Variants in ADH6 observed in about 807,000 individuals in gnomAD.
The protein encoded by ADH6 is alcohol dehydrogenase 6 (class V).
A neutral mutation model predicts 36.5 loss-of-function variants in ADH6; 34 were observed. That is an observed-to-expected ratio of 0.93 (90% CI 0.71 to 1.24). The LOEUF is 1.24. Among genes scored for constraint, ADH6 ranks in the 50% most tolerant of loss-of-function variants. ADH6 has a pLI of 0.00. For synonymous variants in ADH6, 161 were observed against 155.5 expected (o/e 1.04, Z -0.26); for missense variants, 440 against 447.0 (o/e 0.98, Z 0.14).
rs777350103 is a variant in ADH6, at chr4:99,207,495, A to G, written c.915T>C (p.Ser305=). 8 of 1,613,604 alleles carry G rather than the reference A, an allele frequency of 5.0e-6. No homozygotes were observed. Among genetic ancestry groups the G allele is most frequent in the Non-Finnish European group, 5.9e-6 (7 of 1,179,710 alleles). ...VLPASVQLKI[S]GQLFFSGRSL... ...AACGTCCTGAGAAGAACAACTGGCC[A>G]CTGATTTTGAGTTGAACACTGGCAG... The change falls in exon 7 of 9, where the codon AGT becomes AGC. Residue 305 remains serine, a synonymous_variant. Coordinates refer to ENST00000394899, the MANE Select transcript of ADH6 (RefSeq NM_001102470.2).
rs952521338 is a variant in ADH6, at chr4:99,219,184, G to C, written c.-32C>G. 1 of 1,601,626 alleles carries C rather than the reference G, an allele frequency of 6.2e-7. No homozygotes were observed. The highest frequency in any genetic ancestry group is 8.6e-7 in the Non-Finnish European group (1 of 1,168,994). ...TTTCTCCACCGCAGATGAATTTATT[G>C]AGAAAGGGAGATCCTGTAGCAACTT... On this transcript the variant is annotated 5_prime_UTR_variant, in exon 1 of 9. Transcript: ENST00000394899.
At chr4:99,214,597 TGA>T (rs1364950700) in intron 2 of ADH6, among the ~76,000 whole-genome samples, 1 of 152,168 alleles carries the variant, frequency 6.6e-6, no homozygotes, top group Non-Finnish European at 1.5e-5. Flanking sequence ...TGTTCAGGGA[TGA>T]AATACTGGCT....
intron 5 of ADH6, among the ~76,000 whole-genome samples, chr4:99,209,537 TAA>T (rs1731152763): frequency 6.6e-6 from 1 of 152,108 alleles, no homozygotes; most frequent in Admixed American, 6.6e-5. Context: ...GTTTTAGAAA[TAA>T]GAGTTCAATA....
chr4:99,216,297 T>C (rs771073132), intron 1 of ADH6, 35 bp from the exon 2 acceptor site: 1 of 1,403,246 alleles, frequency 7.1e-7, no homozygotes, highest in Non-Finnish European at 9.7e-7. Context: ...AAAGAGAAGC[T>C]CCTTAAGCTT....
chr4:99,212,424 T>C (rs1731257139), intron 3 of ADH6, among the ~76,000 whole-genome samples: 1 of 152,188 alleles, frequency 6.6e-6, no homozygotes, highest in Non-Finnish European at 1.5e-5. Context: ...TAATATGGGA[T>C]GATTAAATCA....
chr4:99,205,363 T>C (rs1730990884), intron 7 of ADH6, among the ~76,000 whole-genome samples: 1 of 152,096 alleles, frequency 6.6e-6, no homozygotes, highest in African/African-American at 2.4e-5. Flanking sequence ...TGAATCTATA[T>C]CTAATGTATA....
chr4:99,216,158 T>TTTTTAA lies in ADH6; in HGVS notation c.120+2_120+3insTTAAAA. The TTTTTAA allele has an allele frequency of 7.7e-7, 1 of 1,302,004 alleles. No individual in the cohort carries two copies. The highest frequency in any genetic ancestry group is 1.0e-6 in the Non-Finnish European group (1 of 970,038). The allele number at this position is 1,302,004 out of a possible 1,614,324, so 80.7% of individuals were successfully genotyped here. On this transcript the variant is annotated splice_region_variant and intron_variant, in intron 2 of 8. Coordinates refer to ENST00000394899, the MANE Select transcript of ADH6 (RefSeq NM_001102470.2). The stretch of plus-strand genomic sequence containing the variant: ...TGATTTTTTTTTTTTTTTTTTTTTT[T>TTTTTAA]ACCTTTATGCGAACTTCCTTTGCCT...
At chr4:99,204,561 C>G in intron 8 of ADH6, 1 of 1,202,460 alleles carries the variant, frequency 8.3e-7, no homozygotes, top group Non-Finnish European at 1.0e-6. Context: ...CAAAGTAGAA[C>G]AACAAATACA....
chr4:99,205,108 T>C lies in ADH6; in HGVS notation c.965-45A>G, dbSNP rs541757991. 5.3e-6 allele frequency: 8 copies of C among 1,518,728 alleles called. No homozygotes were observed. In the South Asian group the frequency reaches 1.0e-4, roughly 20 times the overall value. 94.1% of individuals were successfully genotyped at this position (1,518,728 alleles called of 1,614,324 possible). A position where few individuals can be genotyped will look rare whatever the true frequency, so the allele number is the denominator to read the frequency against. The stretch of plus-strand genomic sequence containing the variant: ...ATGAATTTTACACATGAGGCTTCAT[T>C]ATAAAGGAAAGGTCATTCAAAGTAA... On this transcript the variant is annotated intron_variant, in intron 7 of 8. Transcript: ENST00000394899.
At chr4:99,209,342 G>A (rs537960637) in intron 5 of ADH6, among the ~76,000 whole-genome samples, 54 of 151,386 alleles carry the variant, frequency 3.6e-4, no homozygotes, top group East Asian at 1.6e-3. Context: ...ATAACTTATC[G>A]GGTCAATACC....
intron 3 of ADH6, among the ~76,000 whole-genome samples, chr4:99,211,088 G>C (rs562158973): frequency 6.6e-6 from 1 of 152,178 alleles, no homozygotes; most frequent in South Asian, 2.1e-4. Flanking sequence ...CTGTAAACCA[G>C]AGAAATTTGT....
At chr4:99,216,612 C>T (rs1391645652) in intron 1 of ADH6, among the ~76,000 whole-genome samples, 2 of 151,830 alleles carry the variant, frequency 1.3e-5, no homozygotes, top group Non-Finnish European at 1.5e-5. Context: ...TTTGGGAGGT[C>T]GAGGCGGGCG....
At chr4:99,217,083 T>C (rs1160770116) in intron 1 of ADH6, among the ~76,000 whole-genome samples, 3 of 152,174 alleles carry the variant, frequency 2.0e-5, no homozygotes, top group African/African-American at 7.2e-5. Flanking sequence ...TTGCCCAGGC[T>C]GGAGTGCAGT....
At chr4:99,204,567 A>G (rs1259759582) in intron 8 of ADH6, 3 of 1,207,102 alleles carry the variant, frequency 2.5e-6, no homozygotes, top group Non-Finnish European at 3.1e-6. Flanking sequence ...AGAACAACAA[A>G]TACAACAATG....
intron 3 of ADH6, among the ~76,000 whole-genome samples, chr4:99,212,386 T>G (rs1731255794): frequency 6.6e-6 from 1 of 152,138 alleles, no homozygotes; most frequent in South Asian, 2.1e-4. Context: ...TATATATTTA[T>G]GGGGTACAAT....
chr4:99,214,598 G>A (rs1293937962), intron 2 of ADH6, among the ~76,000 whole-genome samples: 1 of 152,210 alleles, frequency 6.6e-6, no homozygotes, highest in Non-Finnish European at 1.5e-5. Flanking sequence ...GTTCAGGGAT[G>A]AAATACTGGC....
chr4:99,206,031 C>T (rs1183723285), intron 7 of ADH6, among the ~76,000 whole-genome samples: 1 of 152,056 alleles, frequency 6.6e-6, no homozygotes, highest in Non-Finnish European at 1.5e-5. Flanking sequence ...GTGTATATTT[C>T]TATTTGTTTT....
chr4:99,214,552 GT>G (rs1206803872), intron 2 of ADH6, among the ~76,000 whole-genome samples: 1 of 152,148 alleles, frequency 6.6e-6, no homozygotes. Flanking sequence ...TAGCCAGACA[GT>G]TTAAAATGAA....
At chr4:99,204,814 T>C (rs1730960323) in intron 8 of ADH6, 111 bp downstream of exon 8, 4 of 1,381,386 alleles carry the variant, frequency 2.9e-6, no homozygotes, top group Non-Finnish European at 2.8e-6. Context: ...CCTCTTCAAT[T>C]ATCAGTATAC....
Sources: allele counts gnomAD v4.1 joint callset (sites outside exome capture counted in the v4.1 genomes callset), GRCh38; gene constraint gnomAD v4.1.1; transcripts MANE v1.5; gene names NCBI Gene and HGNC (gene_info 2026-07-23, HGNC 2026-07-21).